Variants in MROH7 observed in about 807,000 individuals in gnomAD.
MROH7 encodes maestro heat like repeat family member 7, also known as maestro heat-like repeat-containing protein family member 7.
Under a neutral mutation model 129.2 loss-of-function variants are expected in MROH7, and 113 were observed. The observed-to-expected ratio is 0.87, with a 90% CI of 0.75 to 1.02. The LOEUF is 1.02. MROH7 is among the 50% of genes least tolerant of loss of function. The pLI, the probability that MROH7 is intolerant of heterozygous loss-of-function variation, is 0.00. For missense variants in MROH7, 1,601 were observed against 1,671.3 expected (o/e 0.96, Z 0.73); for synonymous variants, 655 against 667.9 (o/e 0.98, Z 0.30).
chr1:54,707,531 T>C lies in MROH7; in HGVS notation c.3667+994T>C, dbSNP rs181024403. 2.3e-3 allele frequency among the ~76,000 whole-genome samples: 353 copies of C among 152,304 alleles called. 2 individuals carry two copies. The highest frequency in any genetic ancestry group is 7.9e-3 in the African/African-American group (328 of 41,572). Reference sequence around the variant, plus strand: ...AGGGGGTGGCTGTTAACATGATCAATGCTGGTGCAGAAGAAAAATGCTCAG... The same window carrying C: ...AGGGGGTGGCTGTTAACATGATCAACGCTGGTGCAGAAGAAAAATGCTCAG... On this transcript the variant is annotated intron_variant, in intron 22 of 23. Transcript: ENST00000421030.
At chr1:54,672,893 G>A (rs1215498575) in intron 7 of MROH7, among the ~76,000 whole-genome samples, 198 bp from the exon 8 acceptor site, 1 of 140,004 alleles carries the variant, frequency 7.1e-6, no homozygotes, top group African/African-American at 2.7e-5. Flanking sequence ...ATTAGCAATT[G>A]TTGATAAGGA....
chr1:54,653,583 C>T lies in MROH7; in HGVS notation c.657C>T (p.Asn219=). Reference sequence around the variant, plus strand: ...ACCTTGACTCCAATCCATTGCTCAACATGGGCTCAAGAAACACCTCCAAGC... The same window carrying T: ...ACCTTGACTCCAATCCATTGCTCAATATGGGCTCAAGAAACACCTCCAAGC... The part of the protein sequence containing the change: ...SLDLDSNPLL[N]MGSRNTSKLN... The change falls in exon 3 of 24, where the codon AAC becomes AAT. Residue 219 remains asparagine, a synonymous_variant. Coordinates refer to ENST00000421030, the MANE Select transcript of MROH7 (RefSeq NM_001039464.4). The T allele has an allele frequency of 6.2e-7, 1 of 1,614,200 alleles. No individual in the cohort carries two copies. The highest frequency in any genetic ancestry group is 1.6e-4 in the Middle Eastern group (1 of 6,062).
chr1:54,673,058 G>A (rs1468868535), intron 7 of MROH7, 33 bp from the exon 8 acceptor site: 1 of 1,545,924 alleles, frequency 6.5e-7, no homozygotes, highest in Admixed American at 1.7e-5. Context: ...CTCCAGAGGT[G>A]CCTTAGTGGC....
intron 13 of MROH7, 135 bp from the exon 14 acceptor site, chr1:54,682,520 TG>T: frequency 1.2e-6 from 1 of 811,942 alleles, no homozygotes; most frequent in Non-Finnish European, 1.9e-6. Context: ...GAGTGTTTTC[TG>T]GACTATTCCT....
At chr1:54,666,504 G>A (rs976437017) in intron 4 of MROH7, among the ~76,000 whole-genome samples, 2 of 136,118 alleles carry the variant, frequency 1.5e-5, no homozygotes, top group South Asian at 2.4e-4. Flanking sequence ...GTGCAATCTT[G>A]GCTTGCTGCA....
chr1:54,673,187 G>T lies in MROH7; in HGVS notation c.1695+1G>T. 8 of 1,610,398 alleles carry T rather than the reference G, an allele frequency of 5.0e-6. No homozygotes were observed. The highest frequency in any genetic ancestry group is 6.8e-6 in the Non-Finnish European group (8 of 1,177,142). ...TGCTGGGCTGAAGAGCATCTTGGAG[G>T]TGCGGAGATGGGAGGGGCAAGGAAG... On this transcript the variant is annotated splice_donor_variant, in intron 8 of 23. Transcript: ENST00000421030. LOFTEE classifies it high-confidence loss of function.
At position 54,680,508 on chromosome 1, in the gene MROH7, A is replaced by G. The variant is rs580851; in HGVS notation, c.2381+463A>G. Among the ~76,000 whole-genome samples the G allele has an allele frequency of 9.3e-4, 142 of 151,900 alleles. 2 individuals carry two copies. In the East Asian group the frequency reaches 0.024, roughly 26 times the overall value. ...GCAAAAGAAGGAAATGATCCCTGCA[A>G]TCCCACCCCAGGTGGGTGGTCATGA... On this transcript the variant is annotated intron_variant, in intron 13 of 23. Transcript: ENST00000421030.
intron 1 of MROH7, among the ~76,000 whole-genome samples, chr1:54,650,939 G>A (rs1644545213): frequency 6.6e-6 from 1 of 152,000 alleles, no homozygotes; most frequent in Non-Finnish European, 1.5e-5. Flanking sequence ...TGTCCAGGCT[G>A]GTCTCAAACT....
intron 3 of MROH7, among the ~76,000 whole-genome samples, chr1:54,661,600 G>GTTTGTT (rs948222491): frequency 6.8e-6 from 1 of 147,066 alleles, no homozygotes. Flanking sequence ...TTGTTTGTTT[G>GTTTGTT]TTTGTTTATT....
intron 13 of MROH7, among the ~76,000 whole-genome samples, chr1:54,681,513 T>C (rs771047661): frequency 5.3e-5 from 8 of 152,230 alleles, no homozygotes; most frequent in African/African-American, 9.6e-5. Context: ...AGTGGAGTCA[T>C]TATTACCATA....
intron 10 of MROH7, 24 bp from the exon 11 acceptor site, chr1:54,678,718 A>G (rs760126991): frequency 1.9e-6 from 3 of 1,543,320 alleles, no homozygotes; most frequent in Non-Finnish European, 2.7e-6. Context: ...ATCCGGCCTC[A>G]CTGAGAAGGT....
chr1:54,675,595 C>A (rs58817396), intron 10 of MROH7, among the ~76,000 whole-genome samples: 3,285 of 140,084 alleles, frequency 0.023, 98 homozygotes, highest in East Asian at 0.088. Context: ...TGGCTCGGGA[C>A]GCTGCCTTTT....
Position 54,678,857 on chromosome 1 carries a change from G to A in MROH7, c.2049+3G>A, listed in dbSNP as rs781281544. The stretch of plus-strand genomic sequence containing the variant: ...AGAACATTCTGCGGGTGATCGAGGT[G>A]ACTGCCTGGTGCCCATCCAGGAGCG... On this transcript the variant is annotated splice_donor_region_variant and intron_variant, in intron 11 of 23. Transcript: ENST00000421030. The A allele has an allele frequency of 4.3e-6, 7 of 1,611,612 alleles. 1 individual carries two copies. Among genetic ancestry groups the A allele is most frequent in the African/African-American group, 2.7e-5 (2 of 74,946 alleles).
At chr1:54,666,974 G>C (rs777836775) in intron 4 of MROH7, among the ~76,000 whole-genome samples, 2 of 152,150 alleles carry the variant, frequency 1.3e-5, no homozygotes, top group Non-Finnish European at 2.9e-5. Context: ...AGACCTGGAA[G>C]CTTCTTCAAT....
chr1:54,695,149 C>T (rs1645299906), intron 16 of MROH7, among the ~76,000 whole-genome samples: 1 of 152,170 alleles, frequency 6.6e-6, no homozygotes, highest in Non-Finnish European at 1.5e-5. Context: ...TGTGCTGTGC[C>T]CTCAGGCAAG....
intron 13 of MROH7, among the ~76,000 whole-genome samples, chr1:54,681,461 A>G (rs1360361335): frequency 6.6e-6 from 1 of 152,146 alleles, no homozygotes. Context: ...ATCAGTTCTT[A>G]TAGTTAATTT....
At chr1:54,660,978 C>T (rs1246950710) in intron 3 of MROH7, among the ~76,000 whole-genome samples, 2 of 143,750 alleles carry the variant, frequency 1.4e-5, no homozygotes, top group African/African-American at 2.5e-5. Context: ...TGCGTATCCT[C>T]TTTTGTGAAG....
chr1:54,709,149 G>T, intron 23 of MROH7, 73 bp downstream of exon 23: 2 of 1,390,466 alleles, frequency 1.4e-6, no homozygotes. Context: ...TGGGTAACAG[G>T]GAAAGGGAAG....
chr1:54,649,659 G>A (rs1343159036), intron 1 of MROH7, among the ~76,000 whole-genome samples: 1 of 152,224 alleles, frequency 6.6e-6, no homozygotes, highest in African/African-American at 2.4e-5. Flanking sequence ...GGTCTTTGAA[G>A]ATCTTAATCA....
Sources: allele counts gnomAD v4.1 joint callset (sites outside exome capture counted in the v4.1 genomes callset), GRCh38; gene constraint gnomAD v4.1.1; transcripts MANE v1.5; gene names NCBI Gene and HGNC (gene_info 2026-07-23, HGNC 2026-07-21).